PRTFDC1: variants seen among roughly 807,000 people sequenced by gnomAD.
PRTFDC1 encodes phosphoribosyl transferase domain containing 1.
A neutral mutation model predicts 34.6 loss-of-function variants in PRTFDC1; 38 were observed. The ratio of observed to expected loss-of-function variants is 1.10; its 90% CI spans 0.85 to 1.44. PRTFDC1 has a LOEUF of 1.44. Ranked by LOEUF, PRTFDC1 falls within the 40% of genes most tolerant of loss-of-function variation. The probability of loss-of-function intolerance (pLI) is 0.00; values close to 1 mark genes in which losing one functional copy is unlikely to be tolerated. For synonymous variants in PRTFDC1, 93 were observed against 98.1 expected (o/e 0.95, Z 0.31); for missense variants, 270 against 283.0 (o/e 0.95, Z 0.33).
intron 3 of PRTFDC1, among the ~76,000 whole-genome samples, chr10:24,894,710 A>C (rs1338813760): frequency 6.6e-6 from 1 of 152,206 alleles, no homozygotes; most frequent in Admixed American, 6.5e-5. Flanking sequence ...GTGCTGAAAA[A>C]AAGTTTGAAA....
chr10:24,890,045 T>C (rs184795286), intron 3 of PRTFDC1, among the ~76,000 whole-genome samples: 1 of 152,318 alleles, frequency 6.6e-6, no homozygotes, highest in East Asian at 1.9e-4. Flanking sequence ...TGCTGAGGAA[T>C]AAATGTATCC....
At chr10:24,925,090 C>T (rs1163831214) in intron 3 of PRTFDC1, among the ~76,000 whole-genome samples, 1 of 152,154 alleles carries the variant, frequency 6.6e-6, no homozygotes, top group Non-Finnish European at 1.5e-5. Context: ...CAATGATAGA[C>T]TGGATTAAGA....
At chr10:24,894,212 T>A (rs146836065) in intron 3 of PRTFDC1, among the ~76,000 whole-genome samples, 2,217 of 151,126 alleles carry the variant, frequency 0.015, 26 homozygotes, top group Admixed American at 0.032. Flanking sequence ...GTGCCTGTAA[T>A]CCCAGCTACT....
At chr10:24,913,318 AG>A (rs887835457) in intron 3 of PRTFDC1, among the ~76,000 whole-genome samples, 1 of 152,144 alleles carries the variant, frequency 6.6e-6, no homozygotes, top group Non-Finnish European at 1.5e-5. Flanking sequence ...GGCAGTCTTG[AG>A]GTTCTTACTG....
intron 3 of PRTFDC1, among the ~76,000 whole-genome samples, chr10:24,876,416 C>G (rs562572324): frequency 6.6e-6 from 1 of 152,002 alleles, no homozygotes; most frequent in Admixed American, 6.6e-5. Flanking sequence ...AATTTTATGG[C>G]CAAGGGCGGT....
chr10:24,851,291 C>T, intron 8 of PRTFDC1, 97 bp downstream of exon 8: 5 of 1,486,160 alleles, frequency 3.4e-6, no homozygotes, highest in Non-Finnish European at 4.5e-6. Flanking sequence ...AGAAGATACT[C>T]AATCAATAGC....
At chr10:24,877,803 T>C (rs963940821) in intron 3 of PRTFDC1, among the ~76,000 whole-genome samples, 5 of 152,210 alleles carry the variant, frequency 3.3e-5, no homozygotes, top group African/African-American at 1.2e-4. Context: ...GTATTTTTAG[T>C]AGAGATGGCG....
At chr10:24,868,346 C>T (rs767305973) in intron 4 of PRTFDC1, among the ~76,000 whole-genome samples, 1 of 152,120 alleles carries the variant, frequency 6.6e-6, no homozygotes, top group Non-Finnish European at 1.5e-5. Flanking sequence ...AAGAGTCTTG[C>T]ATGGAAAGAC....
At chr10:24,880,551 C>T (rs182239432) in intron 3 of PRTFDC1, among the ~76,000 whole-genome samples, 1 of 152,324 alleles carries the variant, frequency 6.6e-6, no homozygotes, top group African/African-American at 2.4e-5. Context: ...TTCATTCACA[C>T]AGCAGATAAC....
chr10:24,939,793 C>CAAAAAAAAAAA (rs55974992), intron 2 of PRTFDC1, among the ~76,000 whole-genome samples: 1 of 71,538 alleles, frequency 1.4e-5, no homozygotes, highest in Non-Finnish European at 2.6e-5. Context: ...GACTCTATCT[C>CAAAAAAAAAAA]AAAAAAAAAA....
intron 3 of PRTFDC1, among the ~76,000 whole-genome samples, chr10:24,872,834 G>T (rs1202459121): frequency 1.5e-5 from 2 of 129,108 alleles, no homozygotes; most frequent in Non-Finnish European, 3.1e-5. Context: ...TTTTGAGACA[G>T]GGTCTCACTT....
chr10:24,915,905 C>T (rs966744229), intron 3 of PRTFDC1, among the ~76,000 whole-genome samples: 2 of 152,192 alleles, frequency 1.3e-5, no homozygotes, highest in Admixed American at 6.5e-5. Flanking sequence ...TATACATTGA[C>T]CACGTTTAAA....
intron 3 of PRTFDC1, among the ~76,000 whole-genome samples, chr10:24,894,659 A>G (rs1848319551): frequency 6.6e-6 from 1 of 152,174 alleles, no homozygotes; most frequent in African/African-American, 2.4e-5. Flanking sequence ...GGGCAGCTCC[A>G]TTTTTGAGGT....
intron 3 of PRTFDC1, chr10:24,908,565 G>A (rs775656465): frequency 6.2e-7 from 1 of 1,612,802 alleles, no homozygotes; most frequent in East Asian, 2.2e-5. Flanking sequence ...AGCACTTGGA[G>A]GTAACCTCTC....
At chr10:24,904,921 G>C (rs142158102) in intron 3 of PRTFDC1, among the ~76,000 whole-genome samples, 1 of 152,036 alleles carries the variant, frequency 6.6e-6, no homozygotes, top group African/African-American at 2.4e-5. Context: ...CTCTTATCAA[G>C]ATATCTCTAC....
chr10:24,872,806 ATTTTTTTTT>A (rs66588467), intron 3 of PRTFDC1, among the ~76,000 whole-genome samples: 2 of 117,650 alleles, frequency 1.7e-5, no homozygotes, highest in African/African-American at 7.2e-5. Flanking sequence ...ATATATATAT[ATTTTTTTTT>A]TTTTTTTTTT....
chr10:24,925,410 A>G (rs1045606830), intron 3 of PRTFDC1, among the ~76,000 whole-genome samples: 2 of 152,198 alleles, frequency 1.3e-5, no homozygotes, highest in African/African-American at 4.8e-5. Context: ...AACATGGCAC[A>G]TGTATACCTA....
At chr10:24,872,662 C>T (rs1847890830) in intron 3 of PRTFDC1, among the ~76,000 whole-genome samples, 1 of 151,054 alleles carries the variant, frequency 6.6e-6, no homozygotes. Flanking sequence ...AAGAATATGA[C>T]ACTCAGAACT....
intron 3 of PRTFDC1, chr10:24,908,671 C>T: frequency 6.2e-7 from 1 of 1,605,934 alleles, no homozygotes. Flanking sequence ...TTGTCCTCTT[C>T]AACCGAGCAC....
Sources: allele counts gnomAD v4.1 joint callset (sites outside exome capture counted in the v4.1 genomes callset), GRCh38; gene constraint gnomAD v4.1.1; transcripts MANE v1.5; gene names NCBI Gene and HGNC (gene_info 2026-07-23, HGNC 2026-07-21).